Variants in ACTR2 observed in about 807,000 individuals in gnomAD.
ACTR2 encodes actin-related protein 2.
Under a neutral mutation model 50.2 loss-of-function variants are expected in ACTR2, and 5 were observed. The ratio of observed to expected loss-of-function variants is 0.10; its 90% confidence interval spans 0.05 to 0.21. ACTR2 has a LOEUF of 0.21. ACTR2 is among the 10% of genes least tolerant of loss of function. The pLI, the probability that ACTR2 is intolerant of heterozygous loss-of-function variation, is 1.00. For missense variants in ACTR2, 180 were observed against 480.6 expected, an observed-to-expected ratio of 0.37 and a Z score of 5.85; for synonymous variants, 140 against 162.9, an observed-to-expected ratio of 0.86 and a Z score of 1.07.
At chr2:65,229,450 A>G (rs1671593527) in intron 1 of ACTR2, among the ~76,000 whole-genome samples, 1 of 152,100 alleles carries the variant, frequency 6.6e-6, no homozygotes, top group Non-Finnish European at 1.5e-5. Context: ...GGACTAGAGT[A>G]AAAAGAGTGT....
chr2:65,260,510 A>G (rs55718083), intron 6 of ACTR2, among the ~76,000 whole-genome samples: 3,533 of 151,278 alleles, frequency 0.023, 147 homozygotes, highest in African/African-American at 0.08. Flanking sequence ...GTCTCAATCA[A>G]TCAGTCAATC....
chr2:65,229,106 A>G (rs1425582975), intron 1 of ACTR2, among the ~76,000 whole-genome samples: 1 of 152,050 alleles, frequency 6.6e-6, no homozygotes, highest in Non-Finnish European at 1.5e-5. Flanking sequence ...AAATTGTTTC[A>G]TTCAGACCTC....
intron 3 of ACTR2, among the ~76,000 whole-genome samples, chr2:65,247,993 A>G (rs757317764): frequency 2.0e-5 from 3 of 152,196 alleles, no homozygotes; most frequent in Non-Finnish European, 2.9e-5. Context: ...AAAGGTCTTA[A>G]GTTAGGAACA....
In ACTR2 at chr2:65,247,123, T is replaced by G. The variant is rs144850424; in HGVS notation, c.375+384T>G. On this transcript the variant is annotated intron_variant, in intron 3 of 8. Coordinates refer to ENST00000260641, the MANE Select transcript of ACTR2 (RefSeq NM_005722.4). ...GAAGGTGAGTGATCCAGTTGACCCA[T>G]GAGCAATGCAGGGGTTAGGGGCACC... is the stretch of plus-strand genomic sequence containing the variant. Among the ~76,000 whole-genome samples, 4 of 152,036 alleles carry G rather than the reference T, an allele frequency of 2.6e-5. No homozygotes were observed. In the East Asian group the frequency reaches 7.7e-4, roughly 29 times the overall value.
At chr2:65,258,761 A>C (rs1672201985) in intron 6 of ACTR2, among the ~76,000 whole-genome samples, 1 of 152,158 alleles carries the variant, frequency 6.6e-6, no homozygotes, top group Non-Finnish European at 1.5e-5. Context: ...TTAACAGTTC[A>C]TTAAGGTGAT....
intron 1 of ACTR2, chr2:65,228,563 A>T (rs1399158238): frequency 6.6e-6 from 1 of 151,850 alleles, no homozygotes; most frequent in Non-Finnish European, 1.5e-5. Context: ...TTTTTGTTTT[A>T]CATACTAGTA....
chr2:65,257,985 T>C (rs1672183732), intron 6 of ACTR2, among the ~76,000 whole-genome samples: 1 of 152,226 alleles, frequency 6.6e-6, no homozygotes, highest in Admixed American at 6.5e-5. Flanking sequence ...TTGTTGCAAT[T>C]GCTTTTGGTG....
chr2:65,234,122 G>A (rs572163999), intron 1 of ACTR2, among the ~76,000 whole-genome samples: 3 of 152,208 alleles, frequency 2.0e-5, no homozygotes, highest in African/African-American at 7.2e-5. Context: ...TGTAGCTTCA[G>A]GCTGGTCTCG....
At chr2:65,242,548 A>C in intron 2 of ACTR2, 1 of 415,480 alleles carries the variant, frequency 2.4e-6, no homozygotes, top group South Asian at 1.8e-5. Context: ...GTAAAATTTT[A>C]ATATGTAAAT....
At chr2:65,255,799 G>A in intron 6 of ACTR2, 105 bp downstream of exon 6, 2 of 1,073,142 alleles carry the variant, frequency 1.9e-6, no homozygotes, top group East Asian at 2.5e-5. Context: ...TTTGTCTTGG[G>A]TTGTTGTAAT....
chr2:65,245,233 A>G (rs1671913951), intron 2 of ACTR2, among the ~76,000 whole-genome samples: 1 of 151,238 alleles, frequency 6.6e-6, no homozygotes, highest in East Asian at 2.0e-4. Context: ...AAAACATCTC[A>G]TGTTGGCCAG....
intron 3 of ACTR2, among the ~76,000 whole-genome samples, chr2:65,249,274 T>A (rs1383972982): frequency 6.6e-6 from 1 of 152,236 alleles, no homozygotes; most frequent in Non-Finnish European, 1.5e-5. Context: ...ATGTTGTTAG[T>A]ATTTTTAAAG....
intron 8 of ACTR2, 24 bp from the exon 9 acceptor site, chr2:65,268,540 C>G (rs772043747): frequency 6.2e-6 from 10 of 1,603,268 alleles, no homozygotes; most frequent in Admixed American, 3.5e-5. Flanking sequence ...TGTACCATTT[C>G]ATTATCCTTT....
chr2:65,248,218 A>G (rs1671975715), intron 3 of ACTR2, among the ~76,000 whole-genome samples: 1 of 152,026 alleles, frequency 6.6e-6, no homozygotes, highest in Admixed American at 6.5e-5. Context: ...TGACCAACAT[A>G]GTGAAACGCC....
chr2:65,235,815 T>C (rs568192317), intron 1 of ACTR2, among the ~76,000 whole-genome samples: 1 of 152,288 alleles, frequency 6.6e-6, no homozygotes, highest in South Asian at 2.1e-4. Context: ...TGGATAGCTG[T>C]ACCTGAAAAA....
At position 65,227,908 on chromosome 2, in the gene ACTR2, C is replaced by G. The variant is rs779750867; in HGVS notation, c.-2C>G. ...CTGCAGCGGCTCTTCCCTGGGCGGA[C>G]GATGGACAGCCAGGGCAGGAAGGTG... is the stretch of plus-strand genomic sequence containing the variant. On this transcript the variant is annotated 5_prime_UTR_variant, in exon 1 of 9. Transcript: ENST00000260641. 95 of 1,521,346 alleles carry G rather than the reference C, an allele frequency of 6.2e-5. No individual in the cohort carries two copies. Among genetic ancestry groups the G allele is most frequent in the Non-Finnish European group, 8.0e-5 (91 of 1,135,030 alleles). The allele number at this position is 1,521,346 out of a possible 1,614,324, so 94.2% of individuals were successfully genotyped here.
In ACTR2 at chr2:65,270,051, G is replaced by A. The variant is rs1672462216; in HGVS notation, c.*1317G>A. 1 of 152,120 alleles carries A rather than the reference G, an allele frequency of 6.6e-6. No homozygotes were observed. Among genetic ancestry groups the A allele is most frequent in the African/African-American group, 2.4e-5 (1 of 41,416 alleles). 9.4% of individuals were successfully genotyped at this position (152,120 alleles called of 1,614,324 possible). On this transcript the variant is annotated 3_prime_UTR_variant, in exon 9 of 9. Coordinates refer to ENST00000260641, the MANE Select transcript of ACTR2 (RefSeq NM_005722.4). ...GCCAGTGTCAGAAAATCCTATTTAT[G>A]AATCCTGTCGGTATTCCTTGGTATC...
intron 1 of ACTR2, among the ~76,000 whole-genome samples, chr2:65,233,789 T>C (rs1671682879): frequency 6.6e-6 from 1 of 151,962 alleles, no homozygotes; most frequent in Admixed American, 6.6e-5. Flanking sequence ...TTTTGTACTT[T>C]TAGTAGAGAT....
rs70943640 is a variant in ACTR2 at position 65,267,862 on chromosome 2, C to CTTTTTTTTTTTTTTT, written c.1015-688_1015-674dup. On this transcript the variant is annotated intron_variant, in intron 8 of 8. Transcript: ENST00000260641. ...ACCTTGAAGAAGTCATGCAAGTCCT[C>CTTTTTTTTTTTTTTT]TTTTTTTTTTTTTTTTTTTTTTTTT... Among the ~76,000 whole-genome samples, 108 of 47,412 alleles carry CTTTTTTTTTTTTTTT rather than the reference C, an allele frequency of 2.3e-3. 24 individuals are homozygous for CTTTTTTTTTTTTTTT. Among genetic ancestry groups the CTTTTTTTTTTTTTTT allele is most frequent in the Non-Finnish European group, 3.0e-3 (78 of 26,196 alleles). 31.1% of individuals were successfully genotyped at this position (47,412 alleles called of 152,430 possible).
Sources: gnomAD v4.1 joint callset for allele counts (sites outside exome capture counted in the v4.1 genomes callset) on GRCh38, gnomAD v4.1.1 for gene constraint, MANE v1.5 for transcripts, NCBI Gene and HGNC (gene_info 2026-07-23, HGNC 2026-07-21) for gene names.